Variants in PAQR8 observed in about 807,000 individuals in gnomAD.
PAQR8 encodes membrane progestin receptor beta.
PAQR8 carries 17 observed loss-of-function variants against 25.2 expected under a neutral mutation model. The observed-to-expected ratio is 0.67, with a 90% confidence interval of 0.46 to 1.01. PAQR8 has a LOEUF of 1.01. Ranked by LOEUF, PAQR8 falls within the 50% of genes least tolerant of loss-of-function variation. The pLI, the probability that PAQR8 is intolerant of heterozygous loss-of-function variation, is 0.00. For synonymous variants in PAQR8, 204 were observed against 190.6 expected (o/e 1.07, Z -0.58); for missense variants, 392 against 448.4 (o/e 0.87, Z 1.14).
intron 1 of PAQR8, among the ~76,000 whole-genome samples, chr6:52,368,525 A>G (rs189856829): frequency 7.1e-4 from 108 of 152,240 alleles, no homozygotes; most frequent in Non-Finnish European, 1.2e-3. Context: ...TATCTAAGTA[A>G]CGTAAGTGTT....
intron 1 of PAQR8, among the ~76,000 whole-genome samples, chr6:52,378,384 G>C (rs1353073858): frequency 3.3e-5 from 5 of 152,184 alleles, no homozygotes; most frequent in Admixed American, 3.3e-4. Flanking sequence ...ATTCTCTTTT[G>C]GTAGTGTTCA....
chr6:52,393,246 A>C (rs537290507), intron 1 of PAQR8, among the ~76,000 whole-genome samples: 3 of 152,186 alleles, frequency 2.0e-5, no homozygotes, highest in African/African-American at 7.2e-5. Context: ...TAAATAAGTT[A>C]ATATTTTCAA....
rs1278730328 is a variant in PAQR8, at chr6:52,403,694, G to C, written c.481G>C (p.Ala161Pro). Residue 161 changes from alanine (A) to proline (P), a missense_variant, in exon 2 of 2, where the codon GCT (alanine) becomes CCT (proline). Coordinates refer to ENST00000442253, the MANE Select transcript of PAQR8 (RefSeq NM_133367.5). Reference protein sequence around the residue: ...VSVYQYGSALAHFFYSSDQAW... With the variant: ...VSVYQYGSALPHFFYSSDQAW... ...CGTTTACCAATATGGCAGTGCTTTGGCTCATTTCTTCTACAGCTCTGACCA... is the reference window on the plus strand; with the variant it reads ...CGTTTACCAATATGGCAGTGCTTTGCCTCATTTCTTCTACAGCTCTGACCA... 3 of 1,614,200 alleles carry C rather than the reference G, an allele frequency of 1.9e-6. No individual in the cohort carries two copies. The African/African-American group carries it at 4.0e-5, about 22-fold the overall frequency.
At chr6:52,369,959 T>C (rs1430515460) in intron 1 of PAQR8, among the ~76,000 whole-genome samples, 1 of 152,206 alleles carries the variant, frequency 6.6e-6, no homozygotes, top group Non-Finnish European at 1.5e-5. Flanking sequence ...TTCAAGAATG[T>C]CACTGAAACC....
chr6:52,383,892 G>A (rs944883588), intron 1 of PAQR8, among the ~76,000 whole-genome samples: 8 of 152,160 alleles, frequency 5.3e-5, no homozygotes, highest in African/African-American at 1.9e-4. Context: ...GGCATGTTAT[G>A]TGAGCTAAAC....
At position 52,404,098 on chromosome 6, in the gene PAQR8, C is replaced by T; in HGVS notation, c.885C>T (p.Ser295=). Residue 295 remains serine (S), a synonymous_variant, in exon 2 of 2, where the codon TCC becomes TCT. Coordinates refer to ENST00000442253, the MANE Select transcript of PAQR8 (RefSeq NM_133367.5). ...CATTTCTGTCCATCTGTACGCTCTCCCAGCTGGAGGCCATCCTCCTGGACT... is the reference window on the plus strand; with the variant it reads ...CATTTCTGTCCATCTGTACGCTCTCTCAGCTGGAGGCCATCCTCCTGGACT... ...FHAFLSICTL[S]QLEAILLDYQ... is the part of the protein sequence containing the mutation. 1 of 1,614,232 alleles carries T rather than the reference C, an allele frequency of 6.2e-7. No individual in the cohort carries two copies. Among genetic ancestry groups the T allele is most frequent in the Non-Finnish European group, 8.5e-7 (1 of 1,180,026 alleles).
At chr6:52,373,823 G>A (rs571170631) in intron 1 of PAQR8, among the ~76,000 whole-genome samples, 1 of 150,934 alleles carries the variant, frequency 6.6e-6, no homozygotes, top group East Asian at 2.0e-4. Flanking sequence ...AAATCGTATT[G>A]ACTAATTGAT....
intron 1 of PAQR8, 85 bp from the exon 2 acceptor site, chr6:52,403,077 A>G (rs1763855130): frequency 4.0e-6 from 3 of 751,616 alleles, no homozygotes; most frequent in Non-Finnish European, 6.3e-6. Context: ...TCTCAAAAGA[A>G]AAGAAAATAG....
Position 52,403,632 on chromosome 6 carries a change from A to T in PAQR8, c.419A>T (p.His140Leu), listed in dbSNP as rs1297375225. ...HLLQSKSELS[H>L]YTFYFVDYVG... Reference sequence around the variant, plus strand: ...CTGCAGTCCAAGTCAGAGCTCTCCCACTACACCTTCTACTTTGTGGACTAT... The same window carrying T: ...CTGCAGTCCAAGTCAGAGCTCTCCCTCTACACCTTCTACTTTGTGGACTAT... Residue 140 changes from histidine to leucine, a missense_variant, in exon 2 of 2, where the codon CAC becomes CTC. By Grantham distance (99) the His-to-Leu change is moderately conservative. Coordinates refer to ENST00000442253, the MANE Select transcript of PAQR8 (RefSeq NM_133367.5). 1 of 1,614,024 alleles carries T rather than the reference A, an allele frequency of 6.2e-7. No individual in the cohort carries two copies. Among genetic ancestry groups the T allele is most frequent in the East Asian group, 2.2e-5 (1 of 44,880 alleles).
intron 1 of PAQR8, among the ~76,000 whole-genome samples, chr6:52,393,612 T>TA (rs1562432797): frequency 6.6e-6 from 1 of 152,196 alleles, no homozygotes; most frequent in Non-Finnish European, 1.5e-5. Context: ...ATTACAGGTG[T>TA]GAGCCACTGT....
chr6:52,388,393 G>T (rs554741183), intron 1 of PAQR8, among the ~76,000 whole-genome samples: 18 of 149,252 alleles, frequency 1.2e-4, no homozygotes, highest in South Asian at 4.2e-4. Flanking sequence ...AAAAAAAAAA[G>T]CAATAAATGT....
chr6:52,369,385 T>C (rs1763391162), intron 1 of PAQR8, among the ~76,000 whole-genome samples: 1 of 152,164 alleles, frequency 6.6e-6, no homozygotes, highest in Non-Finnish European at 1.5e-5. Flanking sequence ...TTTATCCTTT[T>C]CAGGTCCAAG....
At chr6:52,386,448 A>T (rs908176366) in intron 1 of PAQR8, among the ~76,000 whole-genome samples, 1 of 152,276 alleles carries the variant, frequency 6.6e-6, no homozygotes, top group Non-Finnish European at 1.5e-5. Flanking sequence ...CTAGGAATGA[A>T]CCTCAGTGCC....
chr6:52,369,018 T>C (rs1250949613), intron 1 of PAQR8, among the ~76,000 whole-genome samples: 1 of 152,212 alleles, frequency 6.6e-6, no homozygotes, highest in Non-Finnish European at 1.5e-5. Flanking sequence ...CTTTTCTCAA[T>C]GTCTTGGAGG....
intron 1 of PAQR8, among the ~76,000 whole-genome samples, chr6:52,400,106 T>C (rs548110329): frequency 1.3e-5 from 2 of 152,376 alleles, no homozygotes; most frequent in African/African-American, 4.8e-5. Context: ...TCTGGCTGAC[T>C]GTAATCCTTA....
Position 52,404,454 on chromosome 6 carries a change from A to C in PAQR8, c.*176A>C. The C allele has an allele frequency of 1.6e-6, 1 of 643,530 alleles. No individual in the cohort carries two copies. The highest frequency in any genetic ancestry group is 2.7e-6 in the Non-Finnish European group (1 of 377,002). 39.9% of individuals were successfully genotyped at this position (643,530 alleles called of 1,614,324 possible). On this transcript the variant is annotated 3_prime_UTR_variant, in exon 2 of 2. Transcript: ENST00000442253. ...TTAAGAGTTTTGTTGTTGTTAATAA[A>C]AGGAATACTCCTTTTCCTTTTGGAT...
chr6:52,398,792 A>C (rs1290381381), intron 1 of PAQR8, among the ~76,000 whole-genome samples: 2 of 150,404 alleles, frequency 1.3e-5, no homozygotes, highest in Admixed American at 6.6e-5. Flanking sequence ...GACCTCAAGC[A>C]GTCCACCCAC....
intron 1 of PAQR8, among the ~76,000 whole-genome samples, chr6:52,392,152 G>T (rs1408619872): frequency 6.6e-6 from 1 of 152,062 alleles, no homozygotes; most frequent in Non-Finnish European, 1.5e-5. Flanking sequence ...GACCAGCCTG[G>T]GCAACACGGT....
At chr6:52,378,641 A>G (rs1214810112) in intron 1 of PAQR8, among the ~76,000 whole-genome samples, 2 of 152,018 alleles carry the variant, frequency 1.3e-5, no homozygotes, top group Admixed American at 6.5e-5. Flanking sequence ...AAATACAAAA[A>G]TTAGCTGGGC....
Sources: allele counts gnomAD v4.1 joint callset (sites outside exome capture counted in the v4.1 genomes callset), GRCh38; gene constraint gnomAD v4.1.1; transcripts MANE v1.5; gene names NCBI Gene and HGNC (gene_info 2026-07-23, HGNC 2026-07-21).